Variants in FHIT observed in about 807,000 individuals in gnomAD.
FHIT encodes the protein fragile histidine triad diadenosine triphosphatase.
A neutral mutation model predicts 17.9 loss-of-function variants in FHIT; 19 were observed. The ratio of observed to expected loss-of-function variants is 1.06; its 90% confidence interval spans 0.74 to 1.56. The LOEUF (loss-of-function observed/expected upper bound fraction) is 1.56. FHIT is among the 40% of genes most tolerant of loss of function. FHIT has a pLI of 0.00. For missense variants in FHIT, 248 were observed against 189.2 expected (o/e 1.31, Z -1.82); for synonymous variants, 81 against 69.7 (o/e 1.16, Z -0.81).
intron 5 of FHIT, among the ~76,000 whole-genome samples, chr3:60,143,082 G>A (rs998726771): frequency 6.6e-6 from 1 of 152,142 alleles, no homozygotes; most frequent in South Asian, 2.1e-4. Context: ...ATATTCGTGA[G>A]ATTAAAATAT....
At chr3:60,728,552 C>A (rs935357117) in intron 4 of FHIT, among the ~76,000 whole-genome samples, 3 of 151,944 alleles carry the variant, frequency 2.0e-5, no homozygotes, top group African/African-American at 7.3e-5. Flanking sequence ...TTCTACCTCG[C>A]AGTTTGTTTG....
intron 5 of FHIT, among the ~76,000 whole-genome samples, chr3:60,410,285 G>T (rs1413223404): frequency 3.3e-5 from 5 of 152,154 alleles, no homozygotes; most frequent in Admixed American, 1.3e-4. Context: ...GGCAGGTAAT[G>T]TATGGATAAT....
At chr3:60,490,671 CAAAAAAA>C (rs377411602) in intron 5 of FHIT, among the ~76,000 whole-genome samples, 1 of 125,154 alleles carries the variant, frequency 8.0e-6, no homozygotes, top group African/African-American at 3.0e-5. Context: ...TGATTTGTAC[CAAAAAAA>C]AAAAAAAAAG....
In FHIT at chr3:60,386,820, C is replaced by T. The variant is rs1701029180; in HGVS notation, c.103+150040G>A. On this transcript the variant is annotated intron_variant, in intron 5 of 9. Transcript: ENST00000492590. ...TATGTGGTAGGTGCTGACCACTTTA[C>T]ATGCATCAACTGACCTTTAAACAGA... Among the ~76,000 whole-genome samples, 3 of 152,168 alleles carry T rather than the reference C, an allele frequency of 2.0e-5. No homozygotes were observed. The South Asian group carries it at 6.2e-4, about 31-fold the overall frequency.
intron 5 of FHIT, among the ~76,000 whole-genome samples, chr3:60,256,792 C>G (rs1217297732): frequency 6.6e-6 from 1 of 152,146 alleles, no homozygotes; most frequent in Non-Finnish European, 1.5e-5. Flanking sequence ...TCCTAATCTC[C>G]TTAATATCTC....
chr3:59,986,525 A>AAATATATTTATATTTATACATT (rs1559523531), intron 7 of FHIT, among the ~76,000 whole-genome samples: 7 of 3,896 alleles, frequency 1.8e-3, no homozygotes, highest in African/African-American at 5.1e-3. Flanking sequence ...ATATATATAT[A>AAATATATTTATATTTATACATT]TATATATATA....
At chr3:59,760,925 C>G (rs1701481761) in intron 8 of FHIT, among the ~76,000 whole-genome samples, 1 of 152,096 alleles carries the variant, frequency 6.6e-6, no homozygotes, top group Non-Finnish European at 1.5e-5. Flanking sequence ...GTGATCCAGC[C>G]ACTTCCGCCT....
chr3:60,473,456 G>A (rs117245369), intron 5 of FHIT, among the ~76,000 whole-genome samples: 3 of 152,066 alleles, frequency 2.0e-5, no homozygotes, highest in Non-Finnish European at 4.4e-5. Flanking sequence ...TATCAAGAGA[G>A]AATAAATACA....
intron 5 of FHIT, among the ~76,000 whole-genome samples, chr3:60,519,290 G>C (rs561372752): frequency 6.6e-6 from 1 of 152,298 alleles, no homozygotes; most frequent in East Asian, 1.9e-4. Context: ...CAGCTTCATA[G>C]ATATAATTTA....
Position 59,912,522 on chromosome 3 carries a change from C to A in FHIT, c.348+9824G>T, listed in dbSNP as rs192110386. On this transcript the variant is annotated intron_variant, in intron 8 of 9. Coordinates refer to ENST00000492590, the MANE Select transcript of FHIT (RefSeq NM_002012.4). ...ACTCTGAAGAGCTTACTAAGAGAAA[C>A]AATTTTTTAGAGTCGCTAAAAGGAA... Among the ~76,000 whole-genome samples, 23 of 152,022 alleles carry A rather than the reference C, an allele frequency of 1.5e-4. 1 individual carries two copies. In the East Asian group the frequency reaches 4.3e-3, roughly 28 times the overall value.
intron 4 of FHIT, among the ~76,000 whole-genome samples, chr3:60,595,080 T>C (rs572142224): frequency 2.6e-5 from 4 of 152,204 alleles, no homozygotes; most frequent in Admixed American, 2.6e-4. Context: ...GTGGAGCTAC[T>C]GTGAGGACAG....
chr3:60,385,264 G>C (rs914988175), intron 5 of FHIT, among the ~76,000 whole-genome samples: 1 of 152,156 alleles, frequency 6.6e-6, no homozygotes, highest in Non-Finnish European at 1.5e-5. Context: ...TGGTGGAGAA[G>C]CATCCACTGT....
rs35531886 is a variant in FHIT at position 60,077,686 on chromosome 3, T to TCACACACA, written c.104-63542_104-63535dup. ...ATTAAAAAAAATCTACGATTTTACTTCACACACACACACACACACACACAC... is the reference window on the plus strand; with the variant it reads ...ATTAAAAAAAATCTACGATTTTACTTCACACACACACACACACACACACACACACACAC... On this transcript the variant is annotated intron_variant, in intron 5 of 9. Coordinates refer to ENST00000492590, the MANE Select transcript of FHIT (RefSeq NM_002012.4). Among the ~76,000 whole-genome samples the TCACACACA allele has an allele frequency of 2.4e-3, 261 of 110,354 alleles. 3 individuals carry two copies. The highest frequency in any genetic ancestry group is 0.022 in the South Asian group (59 of 2,670). The allele number at this position is 110,354 out of a possible 152,430, so 72.4% of individuals were successfully genotyped here.
At chr3:61,184,029 G>A (rs745773479) in intron 2 of FHIT, among the ~76,000 whole-genome samples, 14 of 151,922 alleles carry the variant, frequency 9.2e-5, no homozygotes, top group Non-Finnish European at 1.0e-4. Context: ...ACGGAGCTTC[G>A]CTAGTTTCTA....
intron 4 of FHIT, among the ~76,000 whole-genome samples, chr3:60,549,745 C>G (rs928061178): frequency 1.3e-5 from 2 of 152,160 alleles, no homozygotes; most frequent in Non-Finnish European, 2.9e-5. Context: ...AAATTAATGT[C>G]TCCTAGGCAA....
At chr3:59,937,607 G>A (rs1187730623) in intron 7 of FHIT, among the ~76,000 whole-genome samples, 1 of 152,168 alleles carries the variant, frequency 6.6e-6, no homozygotes, top group East Asian at 1.9e-4. Flanking sequence ...GTTCCAAAGT[G>A]AAGCTCTCCT....
chr3:60,494,317 GTGTATAGTT>G (rs2034199705), intron 5 of FHIT, among the ~76,000 whole-genome samples: 1 of 152,030 alleles, frequency 6.6e-6, no homozygotes, highest in African/African-American at 2.4e-5. Flanking sequence ...GCGACTTTTA[GTGTATAGTT>G]TTAATTTTTA....
chr3:60,547,648 A>T (rs1340548124), intron 4 of FHIT, among the ~76,000 whole-genome samples: 1 of 152,142 alleles, frequency 6.6e-6, no homozygotes, highest in African/African-American at 2.4e-5. Flanking sequence ...TACCTCCTAT[A>T]AACTACCTTT....
At chr3:59,775,897 G>T (rs1264947500) in intron 8 of FHIT, among the ~76,000 whole-genome samples, 1 of 152,232 alleles carries the variant, frequency 6.6e-6, no homozygotes, top group East Asian at 1.9e-4. Flanking sequence ...CAAGTGGTGA[G>T]CGATGGAGAA....
Sources: gnomAD v4.1 joint callset for allele counts (sites outside exome capture counted in the v4.1 genomes callset) on GRCh38, gnomAD v4.1.1 for gene constraint, MANE v1.5 for transcripts, NCBI Gene and HGNC (gene_info 2026-07-23, HGNC 2026-07-21) for gene names.